TACR1: variants seen among roughly 807,000 people sequenced by gnomAD.
TACR1 encodes the protein tachykinin receptor 1, also known as substance-P receptor.
A neutral mutation model predicts 35.8 loss-of-function variants in TACR1; 25 were observed. The ratio of observed to expected loss-of-function variants is 0.70; its 90% CI spans 0.51 to 0.98. The LOEUF is 0.98. Ranked by LOEUF, TACR1 falls within the 50% of genes least tolerant of loss-of-function variation. The probability of loss-of-function intolerance (pLI) is 0.00; values close to 1 mark genes in which losing one functional copy is unlikely to be tolerated. For missense variants in TACR1, 478 were observed against 522.9 expected (o/e 0.91, Z 0.84); for synonymous variants, 195 against 206.7 (o/e 0.94, Z 0.48).
At chr2:75,098,912 C>CTTTTT (rs201792078) in intron 2 of TACR1, among the ~76,000 whole-genome samples, 5 of 144,760 alleles carry the variant, frequency 3.5e-5, no homozygotes, top group African/African-American at 5.1e-5. Context: ...CAAATTAAGG[C>CTTTTT]TTTTTTTTTT....
At chr2:75,058,789 T>A (rs1341872687) in intron 2 of TACR1, among the ~76,000 whole-genome samples, 1 of 152,234 alleles carries the variant, frequency 6.6e-6, no homozygotes, top group Non-Finnish European at 1.5e-5. Context: ...TCCCTTGTCC[T>A]TAATGCCACA....
chr2:75,098,182 G>T (rs1301627349), intron 2 of TACR1, among the ~76,000 whole-genome samples: 1 of 152,130 alleles, frequency 6.6e-6, no homozygotes, highest in Non-Finnish European at 1.5e-5. Flanking sequence ...TTAATAATTT[G>T]ATATATTCCA....
intron 2 of TACR1, among the ~76,000 whole-genome samples, chr2:75,076,475 T>A (rs947438508): frequency 6.6e-6 from 1 of 152,036 alleles, no homozygotes; most frequent in African/African-American, 2.4e-5. Flanking sequence ...TCTCTCAGAG[T>A]CAATTAGGAG....
At chr2:75,118,428 AAAC>A (rs1156974663) in intron 2 of TACR1, among the ~76,000 whole-genome samples, 1 of 152,218 alleles carries the variant, frequency 6.6e-6, no homozygotes, top group Non-Finnish European at 1.5e-5. Flanking sequence ...ATGATGAAAT[AAAC>A]AACAATGGCA....
At chr2:75,121,920 C>T (rs7588326) in intron 1 of TACR1, among the ~76,000 whole-genome samples, 73,424 of 151,946 alleles carry the variant, frequency 0.48, 18,550 homozygotes, top group Non-Finnish European at 0.54. Context: ...GGCTCCACAT[C>T]GTTCCACATA....
chr2:75,152,512 A>T (rs1674696763), intron 1 of TACR1, among the ~76,000 whole-genome samples: 2 of 152,166 alleles, frequency 1.3e-5, no homozygotes. Context: ...TCTCCTAGCC[A>T]TGTGGAGCTG....
chr2:75,065,165 A>G (rs1161358260), intron 2 of TACR1, among the ~76,000 whole-genome samples: 5 of 152,218 alleles, frequency 3.3e-5, no homozygotes, highest in Admixed American at 3.3e-4. Flanking sequence ...ACCAACCAGT[A>G]TTCATTAGGC....
At chr2:75,147,366 C>T (rs1558568880) in intron 1 of TACR1, among the ~76,000 whole-genome samples, 1 of 152,176 alleles carries the variant, frequency 6.6e-6, no homozygotes, top group Non-Finnish European at 1.5e-5. Context: ...ATGGGTTTAT[C>T]CCCACATTCC....
chr2:75,105,930 GAATGTAATGTGGCGTCCC>G (rs1673634808), intron 2 of TACR1, among the ~76,000 whole-genome samples: 1 of 151,982 alleles, frequency 6.6e-6, no homozygotes, highest in Non-Finnish European at 1.5e-5. Flanking sequence ...AAAGAGACAT[GAATGTAATGTGGCGTCCC>G]GGATGGGATC....
At chr2:75,151,973 C>T (rs1674683270) in intron 1 of TACR1, among the ~76,000 whole-genome samples, 1 of 152,180 alleles carries the variant, frequency 6.6e-6, no homozygotes, top group Non-Finnish European at 1.5e-5. Flanking sequence ...TTCAGACTTG[C>T]ATGAGCCCTG....
chr2:75,069,817 G>C (rs1020776384), intron 2 of TACR1, among the ~76,000 whole-genome samples: 6 of 152,108 alleles, frequency 3.9e-5, no homozygotes, highest in Non-Finnish European at 4.4e-5. Context: ...CATATCAAGG[G>C]TACATGCTAT....
In TACR1 at chr2:75,125,475, G is replaced by A. The variant is rs190781998; in HGVS notation, c.390-4707C>T. 1.2e-4 allele frequency among the ~76,000 whole-genome samples: 19 copies of A among 152,198 alleles called. No individual in the cohort carries two copies. The East Asian group carries it at 3.3e-3, about 26-fold the overall frequency. On this transcript the variant is annotated intron_variant, in intron 1 of 4. Transcript: ENST00000305249. Reference sequence around the variant, plus strand: ...GCTGGGATTACAGGCATGAGCCACCGCGCCGGGCCTTTATTTTTCTAATTG... The same window carrying A: ...GCTGGGATTACAGGCATGAGCCACCACGCCGGGCCTTTATTTTTCTAATTG...
At chr2:75,143,626 T>A (rs1674451896) in intron 1 of TACR1, among the ~76,000 whole-genome samples, 1 of 152,202 alleles carries the variant, frequency 6.6e-6, no homozygotes. Context: ...CTGTTACAGA[T>A]GAAGAAACTA....
intron 2 of TACR1, among the ~76,000 whole-genome samples, chr2:75,091,669 A>G (rs1468760369): frequency 6.6e-6 from 1 of 152,090 alleles, no homozygotes; most frequent in African/African-American, 2.4e-5. Context: ...ACTTTTTCAT[A>G]TCACTCTTAG....
At chr2:75,177,447 T>C (rs773818466) in intron 1 of TACR1, among the ~76,000 whole-genome samples, 1 of 152,240 alleles carries the variant, frequency 6.6e-6, no homozygotes, top group Non-Finnish European at 1.5e-5. Context: ...ATCTGGACTT[T>C]GTTATCAACA....
Position 75,198,697 on chromosome 2 carries a change from A to C in TACR1, c.238T>G (p.Ser80Ala). The C allele has an allele frequency of 1.2e-6, 2 of 1,614,214 alleles. No individual in the cohort carries two copies. The highest frequency in any genetic ancestry group is 1.7e-6 in the Non-Finnish European group (2 of 1,180,030). Residue 80 changes from serine to alanine, a missense_variant, in exon 1 of 5, where the codon TCC becomes GCC. Physicochemically the swap from Ser to Ala is moderately conservative, Grantham distance 99. Coordinates refer to ENST00000305249, the MANE Select transcript of TACR1 (RefSeq NM_001058.4). ...FLVNLAFAEASMAAFNTVVNF... is the reference protein window; with the variant it reads ...FLVNLAFAEAAMAAFNTVVNF... ...ACCACTGTATTGAATGCAGCCATGG[A>C]GGCCTCCGCGAAGGCCAGGTTCACC...
intron 1 of TACR1, among the ~76,000 whole-genome samples, chr2:75,184,441 A>T (rs1170651325): frequency 6.6e-6 from 1 of 152,050 alleles, no homozygotes; most frequent in Admixed American, 6.5e-5. Context: ...AAGATCTAAT[A>T]AAAAAAGTAA....
intron 2 of TACR1, among the ~76,000 whole-genome samples, chr2:75,094,849 ATATATATATAT>A (rs1673383521): frequency 1.1e-5 from 1 of 88,512 alleles, no homozygotes; most frequent in African/African-American, 5.8e-5. Context: ...ATATATATAT[ATATATATATAT>A]TTTTTTTTTT....
chr2:75,114,197 C>T (rs1208802174), intron 2 of TACR1, among the ~76,000 whole-genome samples: 1 of 152,164 alleles, frequency 6.6e-6, no homozygotes, highest in African/African-American at 2.4e-5. Flanking sequence ...GCCTCCTCTC[C>T]CACTATTATT....
Sources: gnomAD v4.1 joint callset for allele counts (sites outside exome capture counted in the v4.1 genomes callset) on GRCh38, gnomAD v4.1.1 for gene constraint, MANE v1.5 for transcripts, NCBI Gene and HGNC (gene_info 2026-07-23, HGNC 2026-07-21) for gene names.